NCAM2: variants seen among roughly 807,000 people sequenced by gnomAD.
NCAM2 encodes the protein N-CAM-2.
Under a neutral mutation model 98.1 loss-of-function variants are expected in NCAM2, and 30 were observed. The observed-to-expected ratio is 0.31, with a 90% CI of 0.23 to 0.41. NCAM2 has a LOEUF of 0.41. Among genes scored for constraint, NCAM2 ranks in the 10% least tolerant of loss-of-function variants. The pLI, the probability that NCAM2 is intolerant of heterozygous loss-of-function variation, is 1.00. For missense variants in NCAM2, 867 were observed against 1,005.8 expected (o/e 0.86, Z 1.87); for synonymous variants, 368 against 342.4 (o/e 1.07, Z -0.83).
At chr21:21,239,566 C>T (rs1033888429) in intron 1 of NCAM2, among the ~76,000 whole-genome samples, 4 of 152,104 alleles carry the variant, frequency 2.6e-5, no homozygotes, top group African/African-American at 9.7e-5. Context: ...ATATACATCA[C>T]CTAATTATTA....
intron 8 of NCAM2, among the ~76,000 whole-genome samples, chr21:21,346,840 C>T (rs1477833650): frequency 1.3e-5 from 2 of 151,582 alleles, no homozygotes; most frequent in Non-Finnish European, 2.9e-5. Flanking sequence ...ATAATGGAAG[C>T]ACAAAATACA....
At position 21,539,301 on chromosome 21, in the gene NCAM2, C is replaced by A. The variant is rs1784773991; in HGVS notation, c.*1344C>A. 1 of 152,108 alleles carries A rather than the reference C, an allele frequency of 6.6e-6. No individual in the cohort carries two copies. The highest frequency in any genetic ancestry group is 2.1e-4 in the South Asian group (1 of 4,828). 9.4% of individuals were successfully genotyped at this position (152,108 alleles called of 1,614,324 possible). A position where few individuals can be genotyped will look rare whatever the true frequency, so the allele number is the denominator to read the frequency against. On this transcript the variant is annotated 3_prime_UTR_variant, in exon 18 of 18. Coordinates refer to ENST00000400546, the MANE Select transcript of NCAM2 (RefSeq NM_004540.5). ...GTATTTATCATTATAAACATACATA[C>A]CATTTGGGAGCAGGTTTATTAACCT... is the stretch of plus-strand genomic sequence containing the variant.
intron 10 of NCAM2, among the ~76,000 whole-genome samples, chr21:21,411,136 GTA>G (rs376359493): frequency 5.9e-5 from 4 of 68,252 alleles, no homozygotes; most frequent in East Asian, 2.7e-4. Flanking sequence ...ACATATATAT[GTA>G]TATATATATA....
At chr21:21,467,682 C>CA in intron 13 of NCAM2, among the ~76,000 whole-genome samples, 1 of 151,398 alleles carries the variant, frequency 6.6e-6, no homozygotes, top group East Asian at 2.0e-4. Context: ...CCTATCTCTC[C>CA]AAAAAACAAT....
At position 21,176,631 on chromosome 21, in the gene NCAM2, A is replaced by T. The variant is rs188828424; in HGVS notation, c.56-103947A>T. On this transcript the variant is annotated intron_variant, in intron 1 of 17. Transcript: ENST00000400546. ...TCAAAATATTTTGAGGGAGAAATTAATAACATTTTAAGACAGTTTTTAAGT... is the reference window on the plus strand; with the variant it reads ...TCAAAATATTTTGAGGGAGAAATTATTAACATTTTAAGACAGTTTTTAAGT... Among the ~76,000 whole-genome samples, 535 of 152,192 alleles carry T rather than the reference A, an allele frequency of 3.5e-3. 5 individuals are homozygous for T. The highest frequency in any genetic ancestry group is 0.012 in the African/African-American group (508 of 41,568).
chr21:21,382,099 A>G (rs2148095675), intron 9 of NCAM2, among the ~76,000 whole-genome samples: 1 of 152,268 alleles, frequency 6.6e-6, no homozygotes, highest in East Asian at 1.9e-4. Context: ...ATATCATTTT[A>G]TCTAACTGCT....
chr21:21,410,432 T>C lies in NCAM2; in HGVS notation c.1354T>C (p.Tyr452His), dbSNP rs910685258. The C allele has an allele frequency of 1.9e-6, 3 of 1,575,592 alleles. No homozygotes were observed. Among genetic ancestry groups the C allele is most frequent in the African/African-American group, 2.7e-5 (2 of 73,048 alleles). The change falls in exon 10 of 18, where the codon TAT (tyrosine) becomes CAT (histidine). Residue 452 changes from tyrosine to histidine, a missense_variant. Physicochemically the swap from Tyr to His is moderately conservative, Grantham distance 83. This residue lies in a region of NCAM2 where 56 missense variants were observed against 39.6 expected (regional missense o/e 1.41). Transcript: ENST00000400546. ...TAAAAACACGACCAATTTAAAGACT[T>C]ATAGTACAGGAAGAAAGATGATATT... The part of the protein sequence containing the change: ...PAKNTTNLKT[Y>H]STGRKMILEI...
At chr21:21,332,095 G>A (rs190605699) in intron 6 of NCAM2, among the ~76,000 whole-genome samples, 14 of 151,790 alleles carry the variant, frequency 9.2e-5, no homozygotes, top group East Asian at 5.9e-4. Flanking sequence ...TGTAGAAACC[G>A]GGTTTCACCA....
chr21:21,257,789 G>A (rs936976296), intron 1 of NCAM2, among the ~76,000 whole-genome samples: 4 of 152,094 alleles, frequency 2.6e-5, no homozygotes, highest in African/African-American at 9.7e-5. Flanking sequence ...CACCATGTTG[G>A]CCAAGCTGCT....
intron 1 of NCAM2, among the ~76,000 whole-genome samples, chr21:21,027,357 T>A (rs1182568628): frequency 2.6e-5 from 4 of 152,214 alleles, no homozygotes; most frequent in Non-Finnish European, 4.4e-5. Context: ...AGCATTATGA[T>A]AGAAATTTGG....
Position 21,387,732 on chromosome 21 carries a change from G to A in NCAM2, c.1195+13719G>A, listed in dbSNP as rs1361819907. Among the ~76,000 whole-genome samples the A allele has an allele frequency of 5.3e-5, 8 of 152,296 alleles. No homozygotes were observed. The South Asian group carries it at 6.2e-4, about 12-fold the overall frequency. The stretch of plus-strand genomic sequence containing the variant: ...ATTTTTTCAACAATATGAATCAGCC[G>A]TATGGTACACACCAAGCCCTCTTCT... On this transcript the variant is annotated intron_variant, in intron 9 of 17. Transcript: ENST00000400546.
At chr21:21,501,815 G>C (rs773932196) in intron 15 of NCAM2, among the ~76,000 whole-genome samples, 2 of 151,852 alleles carry the variant, frequency 1.3e-5, no homozygotes, top group Non-Finnish European at 2.9e-5. Context: ...TGCCCTTTAA[G>C]TTTCAGTATA....
chr21:21,498,013 T>A (rs1254014525), intron 15 of NCAM2, among the ~76,000 whole-genome samples: 2 of 152,110 alleles, frequency 1.3e-5, no homozygotes, highest in African/African-American at 2.4e-5. Flanking sequence ...CTAAAAGAGC[T>A]GGAAATTATG....
chr21:21,374,319 G>A (rs1206265337), intron 9 of NCAM2, among the ~76,000 whole-genome samples: 2 of 151,698 alleles, frequency 1.3e-5, no homozygotes, highest in Non-Finnish European at 3.0e-5. Context: ...GTAATTGGTC[G>A]ATATCACTTT....
At chr21:21,490,760 T>C (rs542404382) in intron 15 of NCAM2, among the ~76,000 whole-genome samples, 1 of 151,862 alleles carries the variant, frequency 6.6e-6, no homozygotes, top group Admixed American at 6.6e-5. Flanking sequence ...AAAGTACTTC[T>C]GATCATTTAA....
chr21:21,058,744 AC>A (rs1311725713), intron 1 of NCAM2, among the ~76,000 whole-genome samples: 14 of 151,442 alleles, frequency 9.2e-5, no homozygotes, highest in African/African-American at 3.4e-4. Flanking sequence ...TATTTTGCAT[AC>A]ATTTCCATAT....
intron 1 of NCAM2, among the ~76,000 whole-genome samples, chr21:21,174,370 ATAAG>A (rs1226778374): frequency 1.3e-5 from 2 of 152,226 alleles, no homozygotes; most frequent in African/African-American, 4.8e-5. Flanking sequence ...TTTGAACAGT[ATAAG>A]TGTCTTTCAC....
At chr21:21,193,296 A>T (rs2068887608) in intron 1 of NCAM2, among the ~76,000 whole-genome samples, 1 of 152,058 alleles carries the variant, frequency 6.6e-6, no homozygotes, top group Non-Finnish European at 1.5e-5. Context: ...TAATAAATGA[A>T]ATTTCCTGTA....
chr21:21,363,072 T>G (rs2075688849), intron 8 of NCAM2, among the ~76,000 whole-genome samples: 1 of 152,188 alleles, frequency 6.6e-6, no homozygotes, highest in African/African-American at 2.4e-5. Flanking sequence ...TATTCATTGA[T>G]AAACATATGA....
Sources: allele counts gnomAD v4.1 joint callset (sites outside exome capture counted in the v4.1 genomes callset), GRCh38; gene constraint gnomAD v4.1.1; regional missense constraint gnomAD v4.1.1; transcripts MANE v1.5; gene names NCBI Gene and HGNC (gene_info 2026-07-23, HGNC 2026-07-21).